The following ADGRL2 variants were observed in gnomAD, a reference collection of about 807,000 sequenced individuals.
ADGRL2 encodes calcium-independent alpha-latrotoxin receptor 2.
ADGRL2 carries 44 observed loss-of-function variants against 157.4 expected under a neutral mutation model. That is an observed-to-expected ratio of 0.28 (90% confidence interval 0.22 to 0.36). The LOEUF is 0.36. Ranked by LOEUF, ADGRL2 falls within the 10% of genes least tolerant of loss-of-function variation. The pLI is 1.00. For missense variants in ADGRL2, 1,510 were observed against 1,768.9 expected (o/e 0.85, Z 2.63); for synonymous variants, 585 against 624.7 (o/e 0.94, Z 0.95).
At chr1:81,490,980 G>A (rs2078619826) in intron 2 of ADGRL2, among the ~76,000 whole-genome samples, 1 of 152,148 alleles carries the variant, frequency 6.6e-6, no homozygotes, top group African/African-American at 2.4e-5. Flanking sequence ...TTTGTTATGA[G>A]AATCTGACCT....
intron 2 of ADGRL2, among the ~76,000 whole-genome samples, chr1:81,901,539 C>T (rs1031183075): frequency 6.6e-6 from 1 of 151,196 alleles, no homozygotes; most frequent in Non-Finnish European, 1.5e-5. Flanking sequence ...ATTTGGGAAT[C>T]AATTATGTAG....
At chr1:81,670,711 G>A (rs2082857476) in intron 3 of ADGRL2, among the ~76,000 whole-genome samples, 1 of 152,194 alleles carries the variant, frequency 6.6e-6, no homozygotes, top group Non-Finnish European at 1.5e-5. Context: ...AATCATCAGT[G>A]TAGCCACATA....
chr1:81,960,592 G>A (rs1655032284), intron 11 of ADGRL2, among the ~76,000 whole-genome samples: 1 of 151,144 alleles, frequency 6.6e-6, no homozygotes, highest in South Asian at 2.1e-4. Context: ...CTCCTACCTC[G>A]GCCTCCCGAG....
chr1:81,595,725 G>A (rs1291878499), intron 3 of ADGRL2, among the ~76,000 whole-genome samples: 4 of 152,232 alleles, frequency 2.6e-5, no homozygotes, highest in African/African-American at 9.6e-5. Flanking sequence ...CGATATGAAT[G>A]TATTGCCTTA....
At chr1:81,752,255 G>A (rs1237307695) in intron 1 of ADGRL2, among the ~76,000 whole-genome samples, 1 of 152,162 alleles carries the variant, frequency 6.6e-6, no homozygotes, top group Non-Finnish European at 1.5e-5. Flanking sequence ...CATTGAATGT[G>A]CAGGCAATTG....
chr1:81,374,185 A>G (rs2101004575), intron 1 of ADGRL2, among the ~76,000 whole-genome samples: 1 of 152,314 alleles, frequency 6.6e-6, no homozygotes, highest in Non-Finnish European at 1.5e-5. Flanking sequence ...TATTCCATCC[A>G]TTTACCCAGT....
intron 1 of ADGRL2, among the ~76,000 whole-genome samples, chr1:81,381,401 T>C (rs1358046693): frequency 6.6e-6 from 1 of 152,072 alleles, no homozygotes; most frequent in East Asian, 1.9e-4. Flanking sequence ...AGAAACTCTT[T>C]CCCCTTGTTT....
At chr1:81,450,507 G>T (rs1038389677) in intron 2 of ADGRL2, among the ~76,000 whole-genome samples, 3 of 152,032 alleles carry the variant, frequency 2.0e-5, no homozygotes, top group Non-Finnish European at 4.4e-5. Context: ...GGCAGAGCCA[G>T]GATTTGAACC....
chr1:81,930,403 A>AT (rs377072665), intron 3 of ADGRL2, among the ~76,000 whole-genome samples: 1 of 152,102 alleles, frequency 6.6e-6, no homozygotes, highest in African/African-American at 2.4e-5. Flanking sequence ...TGCTTTACAC[A>AT]TTTTTTTGAG....
At chr1:81,762,808 T>C (rs2085933198) in intron 2 of ADGRL2, among the ~76,000 whole-genome samples, 1 of 151,876 alleles carries the variant, frequency 6.6e-6, no homozygotes, top group Non-Finnish European at 1.5e-5. Flanking sequence ...ATCCCAGCAC[T>C]TTGAGAGGCC....
chr1:81,614,920 G>A (rs1241926939), intron 3 of ADGRL2, among the ~76,000 whole-genome samples: 1 of 152,108 alleles, frequency 6.6e-6, no homozygotes, highest in South Asian at 2.1e-4. Flanking sequence ...GGCTGAAGCG[G>A]GAGGATTACT....
At chr1:81,891,565 A>T (rs530968461) in intron 2 of ADGRL2, among the ~76,000 whole-genome samples, 3 of 152,304 alleles carry the variant, frequency 2.0e-5, no homozygotes, top group East Asian at 3.9e-4. Flanking sequence ...CTTGCCAATT[A>T]AATTGAGCAT....
At chr1:81,413,758 T>C (rs2076988448) in intron 1 of ADGRL2, among the ~76,000 whole-genome samples, 1 of 152,252 alleles carries the variant, frequency 6.6e-6, no homozygotes, top group Non-Finnish European at 1.5e-5. Flanking sequence ...GCTTCTCATT[T>C]TTTATGTGAT....
At chr1:81,560,738 C>T (rs1047096895) in intron 2 of ADGRL2, among the ~76,000 whole-genome samples, 3 of 151,946 alleles carry the variant, frequency 2.0e-5, no homozygotes, top group African/African-American at 7.3e-5. Flanking sequence ...GGGAGCGGGC[C>T]GCAGAAGAGG....
Position 81,560,658 on chromosome 1 carries a change from T to C in ADGRL2, c.-247-20218T>C, listed in dbSNP as rs374030490. Among the ~76,000 whole-genome samples the C allele has an allele frequency of 2.5e-4, 38 of 151,820 alleles. No individual in the cohort carries two copies. In the South Asian group the frequency reaches 7.7e-3, roughly 31 times the overall value. On this transcript the variant is annotated intron_variant, in intron 2 of 24. Transcript: ENST00000370721. ...TCTTATTATTGTTCAAATCAAGATG[T>C]GTTAGATAAGTGCCTCATCAGTGAG... is the stretch of plus-strand genomic sequence containing the variant.
intron 3 of ADGRL2, among the ~76,000 whole-genome samples, chr1:81,645,027 T>C (rs1172239608): frequency 6.6e-6 from 1 of 152,124 alleles, no homozygotes; most frequent in African/African-American, 2.4e-5. Flanking sequence ...TTTCAGAACA[T>C]ATTTGATTTT....
intron 2 of ADGRL2, among the ~76,000 whole-genome samples, chr1:81,483,198 T>A (rs1293297336): frequency 6.6e-6 from 1 of 152,170 alleles, no homozygotes; most frequent in Non-Finnish European, 1.5e-5. Flanking sequence ...ATCTGTTTTA[T>A]AGCTTCTCAT....
At chr1:81,933,185 A>G (rs1465142583) in intron 3 of ADGRL2, among the ~76,000 whole-genome samples, 1 of 152,220 alleles carries the variant, frequency 6.6e-6, no homozygotes, top group Non-Finnish European at 1.5e-5. Context: ...CTGCTTCTTT[A>G]TGATGAACCG....
At chr1:81,755,148 T>TTATATATA (rs5775638) in intron 1 of ADGRL2, among the ~76,000 whole-genome samples, 59 of 143,752 alleles carry the variant, frequency 4.1e-4, no homozygotes, top group African/African-American at 1.1e-3. Context: ...ATATATGTGT[T>TTATATATA]TATATATATA....
Sources: allele counts gnomAD v4.1 joint callset (sites outside exome capture counted in the v4.1 genomes callset), GRCh38; gene constraint gnomAD v4.1.1; transcripts MANE v1.5; gene names NCBI Gene and HGNC (gene_info 2026-07-23, HGNC 2026-07-21).